The following PRTG variants were observed in gnomAD, a reference collection of about 807,000 sequenced individuals.
The protein encoded by PRTG is protogenin.
Under a neutral mutation model 122.5 loss-of-function variants are expected in PRTG, and 67 were observed. The ratio of observed to expected loss-of-function variants is 0.55; its 90% CI spans 0.45 to 0.67. The LOEUF (loss-of-function observed/expected upper bound fraction) is 0.67, where lower values mean the gene tolerates loss of function less well. Among genes scored for constraint, PRTG ranks in the 30% least tolerant of loss-of-function variants. The pLI is 0.00. For synonymous variants in PRTG, 554 were observed against 501.1 expected (o/e 1.11, Z -1.41); for missense variants, 1,435 against 1,415.4 (o/e 1.01, Z -0.22).
chr15:55,703,160 C>T (rs1033116239), intron 2 of PRTG, among the ~76,000 whole-genome samples: 1 of 152,240 alleles, frequency 6.6e-6, no homozygotes, highest in Middle Eastern at 3.4e-3. Flanking sequence ...AGTACTTCTT[C>T]AGGATTAAAC....
chr15:55,644,878 C>T (rs2059311865), intron 11 of PRTG, among the ~76,000 whole-genome samples: 1 of 152,038 alleles, frequency 6.6e-6, no homozygotes, highest in African/African-American at 2.4e-5. Flanking sequence ...TGAGAAACCC[C>T]ACTTACATTT....
intron 16 of PRTG, among the ~76,000 whole-genome samples, chr15:55,627,526 G>C (rs1315135990): frequency 7.3e-6 from 1 of 136,276 alleles, no homozygotes; most frequent in Non-Finnish European, 1.5e-5. Flanking sequence ...ATTTTTAGTA[G>C]AGTCGGGGTT....
intron 2 of PRTG, among the ~76,000 whole-genome samples, chr15:55,719,061 A>G (rs900885450): frequency 6.6e-6 from 1 of 152,158 alleles, no homozygotes; most frequent in Non-Finnish European, 1.5e-5. Flanking sequence ...TACTTTTTGA[A>G]AAGAATTTCA....
At chr15:55,639,407 T>C (rs189226540) in intron 13 of PRTG, among the ~76,000 whole-genome samples, 18 of 152,332 alleles carry the variant, frequency 1.2e-4, no homozygotes, top group African/African-American at 3.6e-4. Flanking sequence ...CCTAATCTTG[T>C]TGCATGAGGC....
chr15:55,731,539 G>A lies in PRTG; in HGVS notation c.397+8843C>T, dbSNP rs374470813. 4.0e-5 allele frequency among the ~76,000 whole-genome samples: 6 copies of A among 150,944 alleles called. No individual in the cohort carries two copies. In the East Asian group the frequency reaches 5.8e-4, roughly 15 times the overall value. On this transcript the variant is annotated intron_variant, in intron 2 of 19. Transcript: ENST00000389286. ...GCACACACCACCACACCCAGATAAT[G>A]TTTGTATTTTTAGTAGAGATGGGGT...
chr15:55,722,378 G>A (rs2030857385), intron 2 of PRTG, among the ~76,000 whole-genome samples: 1 of 151,570 alleles, frequency 6.6e-6, no homozygotes, highest in African/African-American at 2.4e-5. Flanking sequence ...GCAAGAGTAT[G>A]CTTTCAATAA....
Position 55,742,869 on chromosome 15 carries a change from G to A in PRTG, c.63C>T (p.Leu21=), listed in dbSNP as rs1393493618. The A allele has an allele frequency of 3.3e-6, 5 of 1,536,842 alleles. No individual in the cohort carries two copies. In the South Asian group the frequency reaches 3.6e-5, roughly 11 times the overall value. ...AAGGACTGAGCAGCAGCAGGAGCAG[G>A]AGCGCGCGGAGCAGCATCCCCGGCG... ...LRPPGMLLRA[L]LLLLLLSPLP... is the part of the protein sequence containing the mutation. Residue 21 remains leucine, a synonymous_variant, in exon 1 of 20, where the codon CTC becomes CTT. Transcript: ENST00000389286.
At chr15:55,647,660 C>T (rs906944955) in intron 11 of PRTG, among the ~76,000 whole-genome samples, 3 of 152,124 alleles carry the variant, frequency 2.0e-5, no homozygotes, top group Non-Finnish European at 4.4e-5. Context: ...ACAATAAATA[C>T]TATATTGTTG....
rs2059145289 is a variant in PRTG at position 55,617,188 on chromosome 15, A to T, written c.*2824T>A. On this transcript the variant is annotated 3_prime_UTR_variant, in exon 20 of 20. Transcript: ENST00000389286. ...AGAAGTCTTTGCTGTATTACTAAAT[A>T]TCTTATTCAATGAGACCAAAGTATT... 6.7e-6 allele frequency: 1 copy of T among 149,424 alleles called. No homozygotes were observed. Among genetic ancestry groups the T allele is most frequent in the South Asian group, 2.1e-4 (1 of 4,684 alleles). 9.3% of individuals were successfully genotyped at this position (149,424 alleles called of 1,614,324 possible).
chr15:55,671,117 G>C (rs543601781), intron 11 of PRTG, among the ~76,000 whole-genome samples: 1 of 152,288 alleles, frequency 6.6e-6, no homozygotes, highest in East Asian at 1.9e-4. Flanking sequence ...GAAGTTCTGT[G>C]TCCCTGCATC....
intron 2 of PRTG, among the ~76,000 whole-genome samples, chr15:55,699,483 T>G (rs1046244425): frequency 6.6e-6 from 1 of 152,184 alleles, no homozygotes; most frequent in African/African-American, 2.4e-5. Context: ...TAACTCACAA[T>G]TGGCTATGAT....
intron 2 of PRTG, among the ~76,000 whole-genome samples, chr15:55,737,964 A>C (rs986523999): frequency 7.2e-6 from 1 of 139,398 alleles, no homozygotes; most frequent in African/African-American, 2.7e-5. Flanking sequence ...CAGAATGTCC[A>C]CTTAATGCCT....
rs1567069670 is a variant in PRTG at position 55,617,454 on chromosome 15, GGTTA to G, written c.*2554_*2557del. 6.6e-6 allele frequency: 1 copy of G among 151,856 alleles called. No homozygotes were observed. The highest frequency in any genetic ancestry group is 1.5e-5 in the Non-Finnish European group (1 of 67,936). The allele number at this position is 151,856 out of a possible 1,614,324, so 9.4% of individuals were successfully genotyped here. On this transcript the variant is annotated 3_prime_UTR_variant, in exon 20 of 20. Transcript: ENST00000389286. ...AATCAATATAAACCCTATTGTTTTG[GGTTA>G]GTAACTACTTGTGTAAGTTTCATAT...
At chr15:55,677,250 G>C (rs1426456585) in intron 8 of PRTG, among the ~76,000 whole-genome samples, 1 of 152,110 alleles carries the variant, frequency 6.6e-6, no homozygotes, top group African/African-American at 2.4e-5. Flanking sequence ...TATATGATGA[G>C]ATAGCAGTAA....
chr15:55,733,308 C>T (rs1349582629), intron 2 of PRTG, among the ~76,000 whole-genome samples: 2 of 151,922 alleles, frequency 1.3e-5, no homozygotes, highest in East Asian at 1.9e-4. Context: ...GTTGGGAGTT[C>T]GAGACCAGCC....
intron 11 of PRTG, 117 bp from the exon 12 acceptor site, chr15:55,641,325 A>G: frequency 1.5e-6 from 1 of 645,686 alleles, no homozygotes; most frequent in Non-Finnish European, 2.7e-6. Context: ...AAAAGTTCTC[A>G]GTAATATAAA....
chr15:55,711,628 C>A (rs1056142811), intron 2 of PRTG, among the ~76,000 whole-genome samples: 41 of 152,136 alleles, frequency 2.7e-4, no homozygotes, highest in African/African-American at 9.9e-4. Flanking sequence ...TTTCCTTTCA[C>A]CCCAACCAAC....
At chr15:55,708,147 G>GAAA (rs1567109053) in intron 2 of PRTG, among the ~76,000 whole-genome samples, 3 of 27,940 alleles carry the variant, frequency 1.1e-4, no homozygotes, top group African/African-American at 1.7e-4. Context: ...GAGTAAGCTG[G>GAAA]TAAAAAAAAA....
intron 11 of PRTG, among the ~76,000 whole-genome samples, chr15:55,667,177 G>A (rs1429015913): frequency 1.3e-5 from 2 of 149,572 alleles, no homozygotes; most frequent in African/African-American, 4.9e-5. Flanking sequence ...ACAATGGCAG[G>A]AGACCTTTCA....
Sources: gnomAD v4.1 joint callset for allele counts (sites outside exome capture counted in the v4.1 genomes callset) on GRCh38, gnomAD v4.1.1 for gene constraint, MANE v1.5 for transcripts, NCBI Gene and HGNC (gene_info 2026-07-23, HGNC 2026-07-21) for gene names.